The following ENO3 variants were observed in gnomAD, a reference collection of about 807,000 sequenced individuals.
ENO3 encodes beta-enolase.
ENO3 carries 46 observed loss-of-function variants against 47.7 expected under a neutral mutation model. That is an observed-to-expected ratio of 0.96 (90% confidence interval 0.76 to 1.23). ENO3 has a LOEUF of 1.23. Ranked by LOEUF, ENO3 falls within the 50% of genes most tolerant of loss-of-function variation. The probability of loss-of-function intolerance (pLI) is 0.00; values close to 1 mark genes in which losing one functional copy is unlikely to be tolerated. For missense variants in ENO3, 575 were observed against 566.2 expected (o/e 1.02, Z -0.16); for synonymous variants, 223 against 225.9 (o/e 0.99, Z 0.11).
At chr17:4,955,785 G>A (rs911783232) in intron 8 of ENO3, 157 bp from the exon 9 acceptor site, 147 of 1,257,344 alleles carry the variant, frequency 1.2e-4, no homozygotes, top group Non-Finnish European at 1.4e-4. Flanking sequence ...ACCTCTAGCC[G>A]TGTCTCTGCC....
At chr17:4,954,998 C>A in intron 6 of ENO3, 77 bp from the exon 7 acceptor site, 1 of 1,405,304 alleles carries the variant, frequency 7.1e-7, no homozygotes. Flanking sequence ...AGGTTTCCAC[C>A]CCAACACCCC....
intron 2 of ENO3, chr17:4,952,273 T>G (rs1023430585): frequency 8.1e-6 from 3 of 368,446 alleles, no homozygotes; most frequent in Non-Finnish European, 1.1e-5. Context: ...GCCTCCCGGG[T>G]TTAAGTGATT....
At chr17:4,955,628 G>A (rs1320806226) in intron 8 of ENO3, 24 bp downstream of exon 8, 1 of 1,613,960 alleles carries the variant, frequency 6.2e-7, no homozygotes, top group Non-Finnish European at 8.5e-7. Context: ...GTGTCCCAGT[G>A]TTCCTGCCCG....
Position 4,952,801 on chromosome 17 carries a change from T to A in ENO3, c.92T>A (p.Phe31Tyr), listed in dbSNP as rs367565420. Residue 31 changes from phenylalanine (F) to tyrosine (Y), a missense_variant, in exon 3 of 12, where the codon TTC (phenylalanine) becomes TAC (tyrosine). Coordinates refer to ENST00000519602, the MANE Select transcript of ENO3 (RefSeq NM_053013.4). ...EVDLHTAKGRFRAAVPSGAST... is the reference protein window; with the variant it reads ...EVDLHTAKGRYRAAVPSGAST... The stretch of plus-strand genomic sequence containing the variant: ...CCAATTCCTCCTGTCCCAGGCCGAT[T>A]CCGAGCAGCTGTGCCCAGTGGGGCT... 30 of 1,609,660 alleles carry A rather than the reference T, an allele frequency of 1.9e-5. No individual in the cohort carries two copies. Among genetic ancestry groups the A allele is most frequent in the Middle Eastern group, 1.6e-4 (1 of 6,080 alleles).
rs577389766 is a variant in ENO3 at position 4,956,881 on chromosome 17, A to G, written c.1227A>G (p.Gln409=). 1.9e-6 allele frequency: 3 copies of G among 1,613,822 alleles called. No homozygotes were observed. The African/African-American group carries it at 4.0e-5, about 22-fold the overall frequency. The change falls in exon 11 of 12, where the codon CAA becomes CAG. Residue 409 remains glutamine, a synonymous_variant. Transcript: ENST00000519602. ...CGGAGCGTCTGGCCAAATACAACCA[A>G]CTCATGAGGTACAGCGGGAACAGTG... ...CRSERLAKYN[Q]LMRIEEALGD... is the part of the protein sequence containing the mutation.
upstream of ENO3, among the ~76,000 whole-genome samples, chr17:4,950,828 G>A (rs766807626): frequency 3.3e-5 from 5 of 152,098 alleles, no homozygotes; most frequent in African/African-American, 4.8e-5. Context: ...TTGCAAAAGG[G>A]GAATGTAATC....
upstream of ENO3, chr17:4,951,033 G>A (rs974157754): frequency 5.1e-6 from 5 of 986,220 alleles, no homozygotes; most frequent in Admixed American, 1.2e-4. Context: ...CAGTGTGAAG[G>A]GGGGAGGATG....
In ENO3 at chr17:4,952,834, G is replaced by A. The variant is rs965347169; in HGVS notation, c.125G>A (p.Gly42Asp). 1.9e-6 allele frequency: 3 copies of A among 1,612,186 alleles called. No individual in the cohort carries two copies. Among genetic ancestry groups the A allele is most frequent in the East Asian group, 2.2e-5 (1 of 44,860 alleles). ...RAAVPSGAST[G>D]IYEALELRDG... ...GCTGTGCCCAGTGGGGCTTCCACGGGTATCTATGAGGCTCTGGAACTAAGA... is the reference window on the plus strand; with the variant it reads ...GCTGTGCCCAGTGGGGCTTCCACGGATATCTATGAGGCTCTGGAACTAAGA... Residue 42 changes from glycine (G) to aspartate (D), a missense_variant, in exon 3 of 12, where the codon GGT becomes GAT. Transcript: ENST00000519602.
At chr17:4,950,569 G>C, upstream of ENO3, 1 of 985,544 alleles carries the variant, frequency 1.0e-6, no homozygotes, top group Non-Finnish European at 1.2e-6. Flanking sequence ...CCCGGCGCTG[G>C]CTGGCCTGGA....
chr17:4,956,941 T>C, intron 11 of ENO3, 37 bp from the exon 12 acceptor site: 1 of 1,614,184 alleles, frequency 6.2e-7, no homozygotes. Context: ...GCTGTTAGGT[T>C]GGAAGTTCAG....
chr17:4,953,594 A>C, intron 5 of ENO3, 118 bp from the exon 6 acceptor site: 4 of 1,579,130 alleles, frequency 2.5e-6, no homozygotes, highest in Non-Finnish European at 3.5e-6. Flanking sequence ...GCTGTTGGGG[A>C]GAGATCTGTT....
chr17:4,953,611 T>G (rs1971620673), intron 5 of ENO3, 101 bp from the exon 6 acceptor site: 1 of 1,602,638 alleles, frequency 6.2e-7, no homozygotes, highest in Non-Finnish European at 8.5e-7. Flanking sequence ...TGTTAACCAA[T>G]TCTTCATGCT....
At chr17:4,952,681 T>G (rs1043290996) in intron 2 of ENO3, 114 bp from the exon 3 acceptor site, 8 of 1,078,910 alleles carry the variant, frequency 7.4e-6, no homozygotes, top group Non-Finnish European at 1.1e-5. Flanking sequence ...AGGCTGGTCT[T>G]GAACTCCTGA....
At chr17:4,953,009 C>T in intron 3 of ENO3, 42 bp from the exon 4 acceptor site, 1 of 1,613,476 alleles carries the variant, frequency 6.2e-7, no homozygotes, top group South Asian at 1.1e-5. Flanking sequence ...AGAAAGGGGC[C>T]CAGTTGATTG....
At chr17:4,953,404 G>A in intron 5 of ENO3, 63 bp downstream of exon 5, 1 of 1,601,642 alleles carries the variant, frequency 6.2e-7, no homozygotes, top group Non-Finnish European at 8.6e-7. Context: ...GAGGCCATGG[G>A]GTGAGGCCTG....
upstream of ENO3, chr17:4,949,243 A>T (rs552278267): frequency 6.6e-6 from 1 of 152,342 alleles, no homozygotes; most frequent in African/African-American, 2.4e-5. Context: ...TCATAGCTGA[A>T]GGCACCCACC....
intron 1 of ENO3, 91 bp downstream of exon 1, chr17:4,951,273 T>G (rs974104773): frequency 9.9e-7 from 1 of 1,007,940 alleles, no homozygotes; most frequent in Middle Eastern, 5.2e-4. Flanking sequence ...TCTGCTTTTT[T>G]TCCTCCTGGG....
At position 4,957,061 on chromosome 17, in the gene ENO3, C is replaced by T; in HGVS notation, c.*14C>T. 6.2e-7 allele frequency: 1 copy of T among 1,613,904 alleles called. No individual in the cohort carries two copies. Among genetic ancestry groups the T allele is most frequent in the Non-Finnish European group, 8.5e-7 (1 of 1,180,004 alleles). Reference sequence around the variant, plus strand: ...AAGGCCAAGTGAGAAGCTGGAGGCTCCAGGACTCCACTGGACAGACCCAGG... The same window carrying T: ...AAGGCCAAGTGAGAAGCTGGAGGCTTCAGGACTCCACTGGACAGACCCAGG... On this transcript the variant is annotated 3_prime_UTR_variant, in exon 12 of 12. Transcript: ENST00000519602.
upstream of ENO3, among the ~76,000 whole-genome samples, chr17:4,950,877 T>G (rs930508534): frequency 2.6e-5 from 4 of 152,184 alleles, no homozygotes; most frequent in Non-Finnish European, 4.4e-5. Context: ...AGCCCCTCCC[T>G]TGCTCCTCCC....
Sources: gnomAD v4.1 joint callset for allele counts (sites outside exome capture counted in the v4.1 genomes callset) on GRCh38, gnomAD v4.1.1 for gene constraint, MANE v1.5 for transcripts, NCBI Gene and HGNC (gene_info 2026-07-23, HGNC 2026-07-21) for gene names.